Variants in PREP observed in about 807,000 individuals in gnomAD.
PREP encodes the protein dJ355L5.1 (prolyl endopeptidase).
A neutral mutation model predicts 87.6 loss-of-function variants in PREP; 29 were observed. The observed-to-expected ratio is 0.33, with a 90% CI of 0.25 to 0.45. The LOEUF is 0.45. Among genes scored for constraint, PREP ranks in the 20% least tolerant of loss-of-function variants. The pLI, the probability that PREP is intolerant of heterozygous loss-of-function variation, is 1.00. For synonymous variants in PREP, 337 were observed against 328.6 expected (o/e 1.03, Z -0.28); for missense variants, 695 against 886.5 (o/e 0.78, Z 2.74).
At chr6:105,402,303 G>A (rs557099568) in intron 1 of PREP, among the ~76,000 whole-genome samples, 1 of 152,244 alleles carries the variant, frequency 6.6e-6, no homozygotes, top group South Asian at 2.1e-4. Context: ...CGCCTCATCC[G>A]ACCTGGGACA....
Position 105,377,472 on chromosome 6 carries a change from C to T in PREP, c.168G>A (p.Gln56=). Reference sequence around the variant, plus strand: ...CTTTGTATAAACCTCTGATGGGACACTGCTCAAGAAATGGCACAGTAATCT... The same window carrying T: ...CTTTGTATAAACCTCTGATGGGACATTGCTCAAGAAATGGCACAGTAATCT... The part of the protein sequence containing the change: ...QNKITVPFLE[Q]CPIRGLYKER... Residue 56 remains glutamine, a synonymous_variant, in exon 3 of 15, where the codon CAG becomes CAA. Coordinates refer to ENST00000652536, the MANE Select transcript of PREP (RefSeq NM_002726.5). 1 of 1,613,798 alleles carries T rather than the reference C, an allele frequency of 6.2e-7. No individual in the cohort carries two copies. The highest frequency in any genetic ancestry group is 2.2e-5 in the East Asian group (1 of 44,878).
chr6:105,319,546 C>A (rs1461942521), intron 10 of PREP, among the ~76,000 whole-genome samples: 2 of 152,226 alleles, frequency 1.3e-5, no homozygotes, highest in Non-Finnish European at 2.9e-5. Flanking sequence ...CCACAGTACA[C>A]TATTCCATCA....
chr6:105,278,224 G>C lies in PREP; in HGVS notation c.2053C>G (p.Pro685Ala), dbSNP rs753493287. The C allele has an allele frequency of 3.1e-6, 5 of 1,614,230 alleles. No homozygotes were observed. The highest frequency in any genetic ancestry group is 4.2e-6 in the Non-Finnish European group (5 of 1,180,040). ...ACTTCCTCTATCACTTTGGCTGTGG[G>C]CTTCCCCGCCCCGTGGCCCGCCTTG... Reference protein sequence around the residue: ...DTKAGHGAGKPTAKVIEEVSD... With the variant: ...DTKAGHGAGKATAKVIEEVSD... The change falls in exon 15 of 15, where the codon CCC (proline) becomes GCC (alanine). Residue 685 changes from proline (P) to alanine (A), a missense_variant. Coordinates refer to ENST00000652536, the MANE Select transcript of PREP (RefSeq NM_002726.5). This position sits in a 1 kb window ranked among gnomAD's most constrained non-coding sequence, Gnocchi z 4.2.
intron 5 of PREP, among the ~76,000 whole-genome samples, chr6:105,370,332 A>G (rs1037155159): frequency 2.0e-5 from 3 of 150,978 alleles, no homozygotes; most frequent in African/African-American, 4.9e-5. Context: ...AAATTCAGAT[A>G]TAACTATACA....
chr6:105,362,156 G>A (rs1301185247), intron 6 of PREP, among the ~76,000 whole-genome samples: 1 of 152,140 alleles, frequency 6.6e-6, no homozygotes, highest in South Asian at 2.1e-4. Context: ...GATAAATTTG[G>A]TTATTCAACA....
intron 10 of PREP, among the ~76,000 whole-genome samples, chr6:105,291,618 G>A (rs1770298596): frequency 6.6e-6 from 1 of 152,132 alleles, no homozygotes; most frequent in Non-Finnish European, 1.5e-5. Flanking sequence ...TCGGACTCCA[G>A]GTTCTTCAGT....
chr6:105,296,636 C>T (rs1473312584), intron 10 of PREP, among the ~76,000 whole-genome samples: 1 of 152,178 alleles, frequency 6.6e-6, no homozygotes, highest in Non-Finnish European at 1.5e-5. Context: ...AGAATCTGTT[C>T]TTTTCCTCTC....
intron 10 of PREP, among the ~76,000 whole-genome samples, chr6:105,323,292 A>G (rs1372610059): frequency 6.6e-6 from 1 of 152,188 alleles, no homozygotes; most frequent in African/African-American, 2.4e-5. Flanking sequence ...ACTTAAGTCC[A>G]TACTTTACAT....
chr6:105,374,847 G>A (rs1241669191), intron 4 of PREP, among the ~76,000 whole-genome samples: 1 of 151,816 alleles, frequency 6.6e-6, no homozygotes, highest in African/African-American at 2.4e-5. Flanking sequence ...TTTGAGGCAG[G>A]TCTCATGCCT....
At chr6:105,328,087 CTA>C (rs1401320758) in intron 9 of PREP, among the ~76,000 whole-genome samples, 1 of 152,210 alleles carries the variant, frequency 6.6e-6, no homozygotes, top group Admixed American at 6.5e-5. Flanking sequence ...TGATGTAAGA[CTA>C]TACTTTTAGA....
chr6:105,321,113 A>G (rs1770993926), intron 10 of PREP, among the ~76,000 whole-genome samples: 1 of 152,236 alleles, frequency 6.6e-6, no homozygotes, highest in Admixed American at 6.5e-5. Context: ...TTCTATTTTA[A>G]TAACAGTACT....
intron 2 of PREP, among the ~76,000 whole-genome samples, chr6:105,380,414 T>A (rs1423483338): frequency 6.6e-6 from 1 of 152,174 alleles, no homozygotes; most frequent in African/African-American, 2.4e-5. Flanking sequence ...CTCATCGAAG[T>A]GCAAATAAGC....
intron 2 of PREP, among the ~76,000 whole-genome samples, chr6:105,387,526 T>C (rs1330917923): frequency 2.6e-5 from 4 of 151,666 alleles, no homozygotes; most frequent in East Asian, 1.9e-4. Context: ...TCCAGTCTTT[T>C]GGCTTCCCTG....
At chr6:105,391,625 G>A (rs1361094022) in intron 2 of PREP, among the ~76,000 whole-genome samples, 1 of 152,200 alleles carries the variant, frequency 6.6e-6, no homozygotes, top group Non-Finnish European at 1.5e-5. Context: ...CAAAGAAAAG[G>A]GTAGTTTCAA....
At chr6:105,296,923 A>C (rs780983307) in intron 10 of PREP, among the ~76,000 whole-genome samples, 2 of 152,188 alleles carry the variant, frequency 1.3e-5, no homozygotes, top group Non-Finnish European at 2.9e-5. Context: ...CCATGTCCAC[A>C]TCTGCAGGCC....
Position 105,333,299 on chromosome 6 carries a change from C to T in PREP, c.1015+15G>A. ...AAAAACAAGAGCACAATTTTCAAGT[C>T]ACATGTGTTCTCACCTAAGACATCT... On this transcript the variant is annotated intron_variant, in intron 8 of 14. Transcript: ENST00000652536. The T allele has an allele frequency of 6.2e-7, 1 of 1,605,568 alleles. No individual in the cohort carries two copies.
chr6:105,357,730 G>T (rs1772136606), intron 6 of PREP, among the ~76,000 whole-genome samples: 1 of 152,128 alleles, frequency 6.6e-6, no homozygotes, highest in Non-Finnish European at 1.5e-5. Context: ...TTTAAAAGAT[G>T]AATTTTGTAA....
chr6:105,292,656 G>A (rs1012004048), intron 10 of PREP, among the ~76,000 whole-genome samples: 4 of 151,658 alleles, frequency 2.6e-5, no homozygotes, highest in Non-Finnish European at 5.9e-5. Flanking sequence ...TTGAAGCTTT[G>A]AAGCCAGGCA....
At chr6:105,385,989 G>A (rs1239222359) in intron 2 of PREP, among the ~76,000 whole-genome samples, 7 of 152,068 alleles carry the variant, frequency 4.6e-5, no homozygotes, top group Admixed American at 6.5e-5. Context: ...GCGTGGTGGC[G>A]CATGCCTGTA....
Sources: gnomAD v4.1 joint callset for allele counts (sites outside exome capture counted in the v4.1 genomes callset) on GRCh38, gnomAD v4.1.1 for gene constraint, Gnocchi (gnomAD v3.1) non-coding constraint, MANE v1.5 for transcripts, NCBI Gene and HGNC (gene_info 2026-07-23, HGNC 2026-07-21) for gene names.